Variants in SSH2 observed in about 807,000 individuals in gnomAD.
SSH2 encodes the protein slingshot protein phosphatase 2, also known as protein phosphatase Slingshot homolog 2.
SSH2 carries 37 observed loss-of-function variants against 135.2 expected under a neutral mutation model. The observed-to-expected ratio is 0.27, with a 90% CI of 0.21 to 0.36. The LOEUF (loss-of-function observed/expected upper bound fraction) is 0.36, where lower values mean the gene tolerates loss of function less well. Ranked by LOEUF, SSH2 falls within the 10% of genes least tolerant of loss-of-function variation. SSH2 has a pLI of 1.00. For synonymous variants in SSH2, 628 were observed against 646.2 expected (o/e 0.97, Z 0.43); for missense variants, 1,408 against 1,765.3 (o/e 0.80, Z 3.63).
chr17:29,677,467 CG>C (rs1195990836), intron 7 of SSH2, among the ~76,000 whole-genome samples: 1 of 152,120 alleles, frequency 6.6e-6, no homozygotes, highest in Admixed American at 6.5e-5. Context: ...CTACCACAGT[CG>C]GCCTAGAAGA....
At chr17:29,876,447 A>C (rs1417852314) in intron 1 of SSH2, among the ~76,000 whole-genome samples, 1 of 152,104 alleles carries the variant, frequency 6.6e-6, no homozygotes. Context: ...TCTGGTTATT[A>C]ATCCCTCGTC....
rs56789691 is a variant in SSH2 at position 29,779,810 on chromosome 17, C to CAAAAAAAAAAAAA, written c.188+14071_188+14083dup. Among the ~76,000 whole-genome samples, 6 of 19,610 alleles carry CAAAAAAAAAAAAA rather than the reference C, an allele frequency of 3.1e-4. 1 individual carries two copies. Among genetic ancestry groups the CAAAAAAAAAAAAA allele is most frequent in the Admixed American group, 2.1e-3 (2 of 974 alleles). 12.9% of individuals were successfully genotyped at this position (19,610 alleles called of 152,430 possible). On this transcript the variant is annotated intron_variant, in intron 3 of 15. Coordinates refer to ENST00000540801, the MANE Select transcript of SSH2 (RefSeq NM_001282129.2). Reference sequence around the variant, plus strand: ...TGGGCGACAGAGTGAGACTCTGTCTCAAAAAAAAAAAAAAAAAAAAAAAAA... The same window carrying CAAAAAAAAAAAAA: ...TGGGCGACAGAGTGAGACTCTGTCTCAAAAAAAAAAAAAAAAAAAAAAAAAAAAAAAAAAAAAA...
chr17:29,703,736 G>T (rs557970108), intron 3 of SSH2, among the ~76,000 whole-genome samples: 2 of 151,870 alleles, frequency 1.3e-5, no homozygotes, highest in Admixed American at 6.6e-5. Context: ...GAGCCACCAC[G>T]ACCAGCTAAT....
chr17:29,821,565 A>G (rs965222705), intron 2 of SSH2, among the ~76,000 whole-genome samples: 2 of 152,198 alleles, frequency 1.3e-5, no homozygotes, highest in Non-Finnish European at 2.9e-5. Context: ...ATGAAAAACC[A>G]TGGAGTAGGA....
At chr17:29,656,030 C>T (rs541603327) in intron 11 of SSH2, among the ~76,000 whole-genome samples, 70 of 152,298 alleles carry the variant, frequency 4.6e-4, no homozygotes, top group African/African-American at 9.6e-4. Flanking sequence ...TCCTAGAGGT[C>T]GGGAACCAGC....
At chr17:29,670,125 A>C (rs554550985) in intron 9 of SSH2, among the ~76,000 whole-genome samples, 1 of 151,946 alleles carries the variant, frequency 6.6e-6, no homozygotes, top group East Asian at 1.9e-4. Flanking sequence ...CAGGTGATCT[A>C]CCTGCCTTGG....
At chr17:29,849,062 G>A (rs1341885518) in intron 1 of SSH2, 133 bp from the exon 2 acceptor site, 1 of 556,688 alleles carries the variant, frequency 1.8e-6, no homozygotes, top group African/African-American at 1.9e-5. Flanking sequence ...ATTAGTGATG[G>A]CTATTTTGAG....
At chr17:29,678,093 AT>A (rs56386467) in intron 6 of SSH2, among the ~76,000 whole-genome samples, 73,032 of 135,864 alleles carry the variant, frequency 0.54, 19,030 homozygotes, top group East Asian at 0.66. Flanking sequence ...GACTCCAAGG[AT>A]TTTTTTTTTT....
chr17:29,804,645 T>C (rs1305652333), intron 2 of SSH2, among the ~76,000 whole-genome samples: 3 of 152,182 alleles, frequency 2.0e-5, no homozygotes, highest in African/African-American at 7.2e-5. Context: ...ATCAAATTCA[T>C]TGGTTTTAGA....
intron 8 of SSH2, chr17:29,674,164 A>G (rs973625780): frequency 4.4e-6 from 2 of 456,688 alleles, no homozygotes; most frequent in South Asian, 1.5e-5. Context: ...TCAACCCTAT[A>G]CAATGTAAAT....
chr17:29,911,164 C>T (rs188881495), intron 1 of SSH2, among the ~76,000 whole-genome samples: 4 of 152,204 alleles, frequency 2.6e-5, no homozygotes, highest in Admixed American at 6.5e-5. Flanking sequence ...GCTGAATATG[C>T]GCTGGGTAGA....
chr17:29,788,374 G>A (rs986793298), intron 3 of SSH2, among the ~76,000 whole-genome samples: 1 of 152,084 alleles, frequency 6.6e-6, no homozygotes, highest in Non-Finnish European at 1.5e-5. Context: ...AAGGACATTG[G>A]TCTTCTATTT....
At chr17:29,760,580 G>C (rs1052065271) in intron 3 of SSH2, among the ~76,000 whole-genome samples, 1 of 152,148 alleles carries the variant, frequency 6.6e-6, no homozygotes, top group African/African-American at 2.4e-5. Flanking sequence ...TGTGCGTGCA[G>C]GCTTGGGCTG....
At chr17:29,790,202 C>T (rs760810377) in intron 3 of SSH2, among the ~76,000 whole-genome samples, 1 of 152,124 alleles carries the variant, frequency 6.6e-6, no homozygotes, top group Non-Finnish European at 1.5e-5. Context: ...AAGCCCTACC[C>T]TCGAAAGTGA....
chr17:29,631,242 G>A lies in SSH2; in HGVS notation c.3952C>T (p.Pro1318Ser). Residue 1318 changes from proline (P) to serine (S), a missense_variant, in exon 16 of 16, where the codon CCT becomes TCT. Around this residue, in one of 3 missense-constraint regions of SSH2, gnomAD observed 1,080 missense variants for 1,144.5 expected, o/e 0.94. Transcript: ENST00000540801. ...CESPHLKLLQPFLRTDSGMHA... is the reference protein window; with the variant it reads ...CESPHLKLLQSFLRTDSGMHA... ...ATGCCTGAGTCTGTTCTGAGGAAAGGCTGAAGCAGTTTGAGATGAGGGGAT... is the reference window on the plus strand; with the variant it reads ...ATGCCTGAGTCTGTTCTGAGGAAAGACTGAAGCAGTTTGAGATGAGGGGAT... The A allele has an allele frequency of 6.2e-7, 1 of 1,614,046 alleles. No homozygotes were observed. The highest frequency in any genetic ancestry group is 2.2e-5 in the East Asian group (1 of 44,888).
intron 2 of SSH2, among the ~76,000 whole-genome samples, chr17:29,843,056 C>A (rs989350633): frequency 3.9e-5 from 6 of 152,126 alleles, no homozygotes; most frequent in Non-Finnish European, 8.8e-5. Context: ...AGAAAATACA[C>A]ATGGTACAGA....
intron 15 of SSH2, among the ~76,000 whole-genome samples, chr17:29,634,695 G>T (rs533670558): frequency 6.6e-6 from 1 of 152,256 alleles, no homozygotes; most frequent in South Asian, 2.1e-4. Flanking sequence ...TGGGACTACA[G>T]GTGCGCGCCA....
chr17:29,913,363 TATATA>T (rs2066819778), intron 1 of SSH2, among the ~76,000 whole-genome samples: 3 of 74,206 alleles, frequency 4.0e-5, no homozygotes, highest in Non-Finnish European at 7.9e-5. Context: ...TATATATATA[TATATA>T]TATATATATA....
At chr17:29,694,967 A>T (rs2038664623) in intron 5 of SSH2, among the ~76,000 whole-genome samples, 1 of 152,172 alleles carries the variant, frequency 6.6e-6, no homozygotes, top group African/African-American at 2.4e-5. Flanking sequence ...TCAGGAGATG[A>T]GGAAATGGGC....
Sources: gnomAD v4.1 joint callset for allele counts (sites outside exome capture counted in the v4.1 genomes callset) on GRCh38, gnomAD v4.1.1 for gene constraint, gnomAD v4.1.1 regional missense constraint, MANE v1.5 for transcripts, NCBI Gene and HGNC (gene_info 2026-07-23, HGNC 2026-07-21) for gene names.